DOCK8: variants seen among roughly 807,000 people sequenced by gnomAD.
DOCK8 encodes dedicator of cytokinesis protein 8.
In DOCK8, 141 loss-of-function variants were observed where a neutral mutation model predicts 245.6. The ratio of observed to expected loss-of-function variants is 0.57; its 90% CI spans 0.50 to 0.66. DOCK8 has a LOEUF of 0.66. DOCK8 is among the 30% of genes least tolerant of loss of function. DOCK8 has a pLI of 0.00. For missense variants in DOCK8, 2,965 were observed against 2,603.4 expected, an observed-to-expected ratio of 1.14 and a Z score of -3.02; for synonymous variants, 1,168 against 970.2, an observed-to-expected ratio of 1.20 and a Z score of -3.79.
intron 6 of DOCK8, among the ~76,000 whole-genome samples, chr9:315,965 A>G (rs2050326113): frequency 6.6e-6 from 1 of 152,180 alleles, no homozygotes; most frequent in Non-Finnish European, 1.5e-5. Flanking sequence ...GTAGGCATCA[A>G]AACAATGTCT....
intron 23 of DOCK8, among the ~76,000 whole-genome samples, chr9:388,736 G>A (rs538251065): frequency 5.3e-5 from 8 of 151,946 alleles, no homozygotes; most frequent in Admixed American, 2.6e-4. Flanking sequence ...TGTATTTTTA[G>A]TATAGATGGG....
At chr9:340,724 A>G (rs1458298964) in intron 14 of DOCK8, 1 of 192,282 alleles carries the variant, frequency 5.2e-6, no homozygotes, top group African/African-American at 2.4e-5. Context: ...CTGTCTTCCT[A>G]CTTCCTAAGT....
intron 26 of DOCK8, among the ~76,000 whole-genome samples, chr9:400,105 ACCT>A (rs2054739248): frequency 3.4e-5 from 3 of 87,208 alleles, no homozygotes; most frequent in Non-Finnish European, 4.0e-5. Context: ...CACCACCACC[ACCT>A]CCACCACCAC....
intron 33 of DOCK8, among the ~76,000 whole-genome samples, chr9:426,265 C>T (rs1017687700): frequency 3.3e-5 from 5 of 152,224 alleles, no homozygotes; most frequent in South Asian, 2.1e-4. Context: ...CAGTAATGTC[C>T]GGCAGGATAT....
intron 1 of DOCK8, among the ~76,000 whole-genome samples, chr9:232,267 G>A (rs1228205171): frequency 6.6e-6 from 1 of 152,152 alleles, no homozygotes; most frequent in Non-Finnish European, 1.5e-5. Flanking sequence ...TGGTGGATAA[G>A]CTTTTTGATG....
In DOCK8 at chr9:309,839, A is replaced by G. The variant is rs117586653; in HGVS notation, c.529-2115A>G. 1.8e-3 allele frequency among the ~76,000 whole-genome samples: 280 copies of G among 152,296 alleles called. 7 individuals are homozygous for G. In the East Asian group the frequency reaches 0.048, roughly 26 times the overall value. On this transcript the variant is annotated intron_variant, in intron 5 of 47. Coordinates refer to ENST00000432829, the MANE Select transcript of DOCK8 (RefSeq NM_203447.4). ...ATCATCTTATTTTCCAGTTTCAAAA[A>G]CCAAGTTCTGAGTGGAGATTAAGAC...
At chr9:371,650 T>C (rs1196510239) in intron 17 of DOCK8, 84 bp downstream of exon 17, 2 of 1,573,396 alleles carry the variant, frequency 1.3e-6, no homozygotes, top group African/African-American at 2.7e-5. Context: ...CAAATTCTAT[T>C]CACTTGATTT....
At chr9:305,569 G>C (rs1027037364) in intron 5 of DOCK8, among the ~76,000 whole-genome samples, 6 of 152,200 alleles carry the variant, frequency 3.9e-5, no homozygotes, top group African/African-American at 1.4e-4. Context: ...ACAGGCATGA[G>C]CCACCACGCC....
At chr9:216,657 G>C (rs1339737637) in intron 1 of DOCK8, among the ~76,000 whole-genome samples, 1 of 151,878 alleles carries the variant, frequency 6.6e-6, no homozygotes, top group Admixed American at 6.6e-5. Flanking sequence ...ATTCATTCAA[G>C]GAGTATAGGG....
chr9:412,416 A>AG (rs2055779229), intron 28 of DOCK8, among the ~76,000 whole-genome samples: 2 of 151,590 alleles, frequency 1.3e-5, no homozygotes, highest in Admixed American at 6.6e-5. Flanking sequence ...AAAAAAAAAA[A>AG]AAAAAGAAAA....
At chr9:228,063 A>G (rs575860471) in intron 1 of DOCK8, among the ~76,000 whole-genome samples, 1 of 152,258 alleles carries the variant, frequency 6.6e-6, no homozygotes, top group African/African-American at 2.4e-5. Flanking sequence ...ATAAGGTTAT[A>G]GAGGGAGTCC....
chr9:347,924 C>G (rs10491689), intron 14 of DOCK8, among the ~76,000 whole-genome samples: 7 of 152,184 alleles, frequency 4.6e-5, no homozygotes, highest in African/African-American at 1.7e-4. Flanking sequence ...TTCAGACACA[C>G]GACTACCTTT....
chr9:342,441 G>T (rs1033457005), intron 14 of DOCK8, among the ~76,000 whole-genome samples: 2 of 144,880 alleles, frequency 1.4e-5, no homozygotes, highest in Non-Finnish European at 3.0e-5. Context: ...TTCATGTAAA[G>T]GTTTGTGGGT....
chr9:285,337 A>C (rs1258910589), intron 2 of DOCK8, among the ~76,000 whole-genome samples: 1 of 152,122 alleles, frequency 6.6e-6, no homozygotes, highest in East Asian at 1.9e-4. Context: ...AGCGATGAAA[A>C]ACTGGTTTCG....
intron 1 of DOCK8, among the ~76,000 whole-genome samples, chr9:244,753 G>T (rs2047465919): frequency 6.6e-6 from 1 of 152,148 alleles, no homozygotes; most frequent in African/African-American, 2.4e-5. Context: ...TTTCCTCCCA[G>T]TTGTGGAGGT....
At chr9:332,565 T>C (rs2051067159) in intron 10 of DOCK8, 87 bp downstream of exon 10, 1 of 898,898 alleles carries the variant, frequency 1.1e-6, no homozygotes, top group Non-Finnish European at 1.9e-6. Context: ...TAATGGGCTT[T>C]AGTCCCTAAT....
At chr9:445,283 G>A (rs1326987343) in intron 43 of DOCK8, among the ~76,000 whole-genome samples, 1 of 152,132 alleles carries the variant, frequency 6.6e-6, no homozygotes, top group African/African-American at 2.4e-5. Context: ...TGAGAGTTTG[G>A]AATGAGAGTC....
rs777016856 is a variant in DOCK8 at position 340,304 on chromosome 9, C to T, written c.1662C>T (p.Val554=). 1.2e-6 allele frequency: 2 copies of T among 1,614,082 alleles called. No individual in the cohort carries two copies. The highest frequency in any genetic ancestry group is 1.7e-6 in the Non-Finnish European group (2 of 1,179,996). The stretch of plus-strand genomic sequence containing the variant: ...AATTTCCAACACGAGAAGTATATGT[C>T]CCTCACACTGTGTACAGGTAAGAAA... ...ILEFPTREVY[V]PHTVYRNLLY... Residue 554 remains valine, a synonymous_variant, in exon 14 of 48, where the codon GTC becomes GTT. Transcript: ENST00000432829.
At position 420,456 on chromosome 9, in the gene DOCK8, G is replaced by T. The variant is rs1211201409; in HGVS notation, c.3896G>T (p.Cys1299Phe). Residue 1299 changes from cysteine to phenylalanine, a missense_variant, in exon 31 of 48, where the codon TGC becomes TTC. Cys to Phe is a radical substitution (Grantham distance 205). Coordinates refer to ENST00000432829, the MANE Select transcript of DOCK8 (RefSeq NM_203447.4). ...GACACTACTCGCAACCTCATGATCTGCTTCCTCTGGATCATGAAAAATGCT... is the reference window on the plus strand; with the variant it reads ...GACACTACTCGCAACCTCATGATCTTCTTCCTCTGGATCATGAAAAATGCT... ...NADTTRNLMI[C>F]FLWIMKNADQ... 1 of 1,614,104 alleles carries T rather than the reference G, an allele frequency of 6.2e-7. No homozygotes were observed. The highest frequency in any genetic ancestry group is 1.3e-5 in the African/African-American group (1 of 75,016).
Sources: allele counts gnomAD v4.1 joint callset (sites outside exome capture counted in the v4.1 genomes callset), GRCh38; gene constraint gnomAD v4.1.1; transcripts MANE v1.5; gene names NCBI Gene and HGNC (gene_info 2026-07-23, HGNC 2026-07-21).